ATP9B: variants seen among roughly 807,000 people sequenced by gnomAD.
ATP9B encodes ATPase phospholipid transporting 9B.
Under a neutral mutation model 146.1 loss-of-function variants are expected in ATP9B, and 110 were observed. The observed-to-expected ratio is 0.75, with a 90% CI of 0.65 to 0.88. The LOEUF is 0.88. Among genes scored for constraint, ATP9B ranks in the 40% least tolerant of loss-of-function variants. The pLI, the probability that ATP9B is intolerant of heterozygous loss-of-function variation, is 0.00. For synonymous variants in ATP9B, 604 were observed against 569.7 expected (o/e 1.06, Z -0.86); for missense variants, 1,499 against 1,496.4 (o/e 1.00, Z -0.03).
intron 11 of ATP9B, among the ~76,000 whole-genome samples, chr18:79,235,295 C>T (rs189815289): frequency 6.6e-6 from 1 of 152,288 alleles, no homozygotes; most frequent in Admixed American, 6.5e-5. Context: ...TGTAAAATAA[C>T]CTTCCTCCAC....
intron 5 of ATP9B, among the ~76,000 whole-genome samples, chr18:79,135,236 T>C (rs1278388487): frequency 1.3e-5 from 2 of 152,206 alleles, no homozygotes; most frequent in Non-Finnish European, 2.9e-5. Context: ...TGTTTTATAT[T>C]ACTTAACATG....
chr18:79,143,861 G>A lies in ATP9B; in HGVS notation c.726+1G>A, dbSNP rs1568267109. 1.3e-6 allele frequency: 2 copies of A among 1,562,542 alleles called. No homozygotes were observed. Among genetic ancestry groups the A allele is most frequent in the Non-Finnish European group, 8.7e-7 (1 of 1,151,952 alleles). On this transcript the variant is annotated splice_donor_variant, in intron 6 of 29. Coordinates refer to ENST00000426216, the MANE Select transcript of ATP9B (RefSeq NM_198531.5). LOFTEE classifies it high-confidence loss of function. ...TGGAGACCTCATCATAGTGGAAAAG[G>A]TTGATGATTTTTTAATATATTTTAG... is the stretch of plus-strand genomic sequence containing the variant.
intron 11 of ATP9B, among the ~76,000 whole-genome samples, chr18:79,244,030 A>T (rs1257077897): frequency 1.3e-5 from 2 of 152,254 alleles, no homozygotes; most frequent in African/African-American, 2.4e-5. Context: ...TAAAGTTTTA[A>T]TTATAAAATT....
chr18:79,329,129 G>A lies in ATP9B; in HGVS notation c.1774-12G>A. Reference sequence around the variant, plus strand: ...GGCAGCGGTGGCCTCAGTTGTTGCTGGTCTCCCGTAGGTCGCTCTGGTGCA... The same window carrying A: ...GGCAGCGGTGGCCTCAGTTGTTGCTAGTCTCCCGTAGGTCGCTCTGGTGCA... On this transcript the variant is annotated splice_polypyrimidine_tract_variant and intron_variant, in intron 15 of 29. Transcript: ENST00000426216. 1.3e-6 allele frequency: 2 copies of A among 1,541,282 alleles called. No individual in the cohort carries two copies. The highest frequency in any genetic ancestry group is 1.2e-5 in the South Asian group (1 of 80,484).
chr18:79,118,841 G>A (rs1429201879), intron 4 of ATP9B, among the ~76,000 whole-genome samples: 1 of 151,944 alleles, frequency 6.6e-6, no homozygotes, highest in Non-Finnish European at 1.5e-5. Context: ...AGGCCAAGGC[G>A]GCAGGATATC....
At chr18:79,211,403 A>G (rs2095582840) in intron 10 of ATP9B, among the ~76,000 whole-genome samples, 1 of 152,204 alleles carries the variant, frequency 6.6e-6, no homozygotes, top group Non-Finnish European at 1.5e-5. Context: ...ATTGAACAGA[A>G]GTTGGACATG....
chr18:79,346,016 G>A (rs1327410065), intron 23 of ATP9B, among the ~76,000 whole-genome samples, 177 bp downstream of exon 23: 1 of 151,788 alleles, frequency 6.6e-6, no homozygotes, highest in African/African-American at 2.4e-5. Context: ...ACATCAGCAC[G>A]TGCTCAGCGC....
At chr18:79,209,594 T>G in intron 10 of ATP9B, 2 of 933,322 alleles carry the variant, frequency 2.1e-6, no homozygotes, top group Admixed American at 6.2e-5. Flanking sequence ...TGGACACTAA[T>G]GAGGCATCGT....
intron 1 of ATP9B, among the ~76,000 whole-genome samples, chr18:79,079,183 G>A (rs1357869036): frequency 6.6e-6 from 1 of 152,174 alleles, no homozygotes; most frequent in Non-Finnish European, 1.5e-5. Context: ...ACCCAGTAAT[G>A]GGATTGCTGG....
intron 12 of ATP9B, among the ~76,000 whole-genome samples, chr18:79,273,289 G>A (rs186024611): frequency 6.6e-6 from 1 of 152,182 alleles, no homozygotes; most frequent in Non-Finnish European, 1.5e-5. Context: ...GACATTTTGG[G>A]TCTTGTCTCC....
intron 23 of ATP9B, among the ~76,000 whole-genome samples, chr18:79,346,350 G>A (rs1396422550): frequency 6.6e-6 from 1 of 151,400 alleles, no homozygotes. Context: ...CACGGTCAGT[G>A]CACGTCAGCA....
At chr18:79,110,138 C>T (rs2075907897) in intron 2 of ATP9B, among the ~76,000 whole-genome samples, 1 of 152,090 alleles carries the variant, frequency 6.6e-6, no homozygotes, top group Non-Finnish European at 1.5e-5. Context: ...GATAATTCCC[C>T]TGGGGTACAT....
chr18:79,109,204 T>C (rs1317006928), intron 2 of ATP9B, among the ~76,000 whole-genome samples: 1 of 152,248 alleles, frequency 6.6e-6, no homozygotes, highest in Admixed American at 6.5e-5. Flanking sequence ...CTTCCTTTAG[T>C]AAGCCATTCT....
chr18:79,354,788 C>T (rs924983443), intron 25 of ATP9B, among the ~76,000 whole-genome samples: 1 of 152,084 alleles, frequency 6.6e-6, no homozygotes, highest in Non-Finnish European at 1.5e-5. Flanking sequence ...CTGAAGGAGC[C>T]GGCAGCCTGG....
Position 79,147,822 on chromosome 18 carries a change from C to T in ATP9B, c.726+3962C>T, listed in dbSNP as rs1444485109. Among the ~76,000 whole-genome samples the T allele has an allele frequency of 5.9e-5, 9 of 151,680 alleles. No homozygotes were observed. In the South Asian group the frequency reaches 1.7e-3, roughly 28 times the overall value. ...CAGAAGGAAGGGAATAATAAAGATACAAGTAGAAGTCAGTAAAATGGAAAA... is the reference window on the plus strand; with the variant it reads ...CAGAAGGAAGGGAATAATAAAGATATAAGTAGAAGTCAGTAAAATGGAAAA... On this transcript the variant is annotated intron_variant, in intron 6 of 29. Transcript: ENST00000426216.
At chr18:79,253,314 C>A in intron 11 of ATP9B, 67 bp from the exon 12 acceptor site, 3 of 1,373,290 alleles carry the variant, frequency 2.2e-6, no homozygotes, top group Middle Eastern at 3.7e-4. Context: ...CACTACCATG[C>A]ATTCTGATTT....
At chr18:79,098,455 A>G (rs2074994568) in intron 2 of ATP9B, among the ~76,000 whole-genome samples, 3 of 148,060 alleles carry the variant, frequency 2.0e-5, no homozygotes, top group South Asian at 4.5e-4. Flanking sequence ...AACCTACAAC[A>G]TTGGAGAAAA....
chr18:79,251,987 C>T (rs2096028817), intron 11 of ATP9B, among the ~76,000 whole-genome samples: 1 of 152,232 alleles, frequency 6.6e-6, no homozygotes, highest in Admixed American at 6.5e-5. Flanking sequence ...ACATGCTGTT[C>T]CCTGACCTAG....
chr18:79,229,528 A>G (rs549105601), intron 11 of ATP9B, among the ~76,000 whole-genome samples: 1 of 152,360 alleles, frequency 6.6e-6, no homozygotes, highest in African/African-American at 2.4e-5. Flanking sequence ...ATATAAAGAA[A>G]AATGACTGCT....
Sources: gnomAD v4.1 joint callset for allele counts (sites outside exome capture counted in the v4.1 genomes callset) on GRCh38, gnomAD v4.1.1 for gene constraint, MANE v1.5 for transcripts, NCBI Gene and HGNC (gene_info 2026-07-23, HGNC 2026-07-21) for gene names.